The following RALB variants were observed in gnomAD, a reference collection of about 807,000 sequenced individuals.
RALB encodes the protein ras-related protein Ral-B.
A neutral mutation model predicts 21.3 loss-of-function variants in RALB; 16 were observed. The observed-to-expected ratio is 0.75, with a 90% CI of 0.51 to 1.14. The LOEUF is 1.14. Among genes scored for constraint, RALB ranks in the 50% most tolerant of loss-of-function variants. The pLI is 0.00. For synonymous variants in RALB, 93 were observed against 96.1 expected, an observed-to-expected ratio of 0.97 and a Z score of 0.19; for missense variants, 161 against 256.2, an observed-to-expected ratio of 0.63 and a Z score of 2.54.
chr2:120,277,991 ATGTG>A (rs954761393), intron 1 of RALB, among the ~76,000 whole-genome samples: 5 of 126,988 alleles, frequency 3.9e-5, no homozygotes, highest in African/African-American at 1.6e-4. Context: ...GCATGTGTGA[ATGTG>A]TGTGCGAGTG....
intron 1 of RALB, among the ~76,000 whole-genome samples, chr2:120,269,864 T>C (rs781312076): frequency 6.6e-6 from 1 of 152,260 alleles, no homozygotes; most frequent in Admixed American, 6.5e-5. Flanking sequence ...TACATTCATA[T>C]AATTCTTTTA....
At chr2:120,290,628 A>ATT (rs1553525896) in intron 4 of RALB, among the ~76,000 whole-genome samples, 1 of 91,648 alleles carries the variant, frequency 1.1e-5, no homozygotes, top group African/African-American at 4.9e-5. Flanking sequence ...AATCTCTGGG[A>ATT]TCTCTTTTTT....
chr2:120,254,939 G>T (rs572340621), intron 1 of RALB, among the ~76,000 whole-genome samples: 42 of 152,330 alleles, frequency 2.8e-4, no homozygotes, highest in African/African-American at 9.9e-4. Flanking sequence ...GCCTCTCAAA[G>T]TGCTGGGGAT....
chr2:120,248,322 A>C (rs1689003216), upstream of RALB, among the ~76,000 whole-genome samples: 1 of 152,098 alleles, frequency 6.6e-6, no homozygotes, highest in South Asian at 2.1e-4. Flanking sequence ...GCAAGTCTCC[A>C]CTGCTGGCTG....
In RALB at chr2:120,293,508, A is replaced by G. The variant is rs1690356615; in HGVS notation, c.*248A>G. 3.7e-6 allele frequency: 1 copy of G among 272,142 alleles called. No individual in the cohort carries two copies. The highest frequency in any genetic ancestry group is 6.8e-6 in the Non-Finnish European group (1 of 146,048). The allele number at this position is 272,142 out of a possible 1,614,324, so 16.9% of individuals were successfully genotyped here. On this transcript the variant is annotated 3_prime_UTR_variant, in exon 5 of 5. Coordinates refer to ENST00000272519, the MANE Select transcript of RALB (RefSeq NM_002881.3). The stretch of plus-strand genomic sequence containing the variant: ...TCTTCTCCCCTTCTTCCCTCCCAAA[A>G]GCTTAGCTATGTATAAAGTGCCACA...
chr2:120,266,878 G>A (rs1293808930), intron 1 of RALB, among the ~76,000 whole-genome samples: 1 of 152,206 alleles, frequency 6.6e-6, no homozygotes, highest in Non-Finnish European at 1.5e-5. Context: ...TTGAAGTTTG[G>A]TGGGACAAAC....
intron 1 of RALB, among the ~76,000 whole-genome samples, chr2:120,272,526 G>C (rs146779386): frequency 4.2e-4 from 64 of 152,208 alleles, no homozygotes; most frequent in African/African-American, 1.5e-3. Flanking sequence ...CAGGCAGTGA[G>C]TGTATGGATT....
At chr2:120,287,651 T>A (rs979440688) in intron 3 of RALB, among the ~76,000 whole-genome samples, 2 of 152,212 alleles carry the variant, frequency 1.3e-5, no homozygotes, top group African/African-American at 4.8e-5. Context: ...GTATTTCAAG[T>A]GCTCCTTGTC....
upstream of RALB, among the ~76,000 whole-genome samples, chr2:120,249,181 T>C (rs372892973): frequency 1.4e-3 from 214 of 152,188 alleles, no homozygotes; most frequent in African/African-American, 4.9e-3. Context: ...TACAGGCATC[T>C]GCCACCACGC....
At chr2:120,260,044 A>G (rs1158584319) in intron 1 of RALB, among the ~76,000 whole-genome samples, 2 of 152,182 alleles carry the variant, frequency 1.3e-5, no homozygotes, top group African/African-American at 4.8e-5. Context: ...GGCTGCTCCG[A>G]GTGCGGGGCC....
Position 120,293,257 on chromosome 2 carries a change from A to G in RALB, c.618A>G (p.Leu206=), listed in dbSNP as rs370976845. ...KKSFKERCCL[L] ...GTTTTAAAGAAAGATGTTGCTTACTATGAGTGTCAAGGTGACGGATGAAGC... is the reference window on the plus strand; with the variant it reads ...GTTTTAAAGAAAGATGTTGCTTACTGTGAGTGTCAAGGTGACGGATGAAGC... The change falls in exon 5 of 5, where the codon CTA becomes CTG. Residue 206 remains leucine (L), a synonymous_variant. Coordinates refer to ENST00000272519, the MANE Select transcript of RALB (RefSeq NM_002881.3). The G allele has an allele frequency of 8.1e-6, 13 of 1,611,896 alleles. No homozygotes were observed. Among genetic ancestry groups the G allele is most frequent in the Admixed American group, 5.0e-5 (3 of 59,836 alleles).
chr2:120,253,564 T>C (rs1689116963), intron 1 of RALB: 3 of 985,462 alleles, frequency 3.0e-6, no homozygotes, highest in Non-Finnish European at 3.6e-6. Flanking sequence ...GCGCCTGGAC[T>C]GGGCATCGCC....
At chr2:120,281,011 A>C (rs140974635) in intron 2 of RALB, 3 of 313,516 alleles carry the variant, frequency 9.6e-6, no homozygotes, top group South Asian at 7.7e-5. Flanking sequence ...AATAATCACA[A>C]AGTTAGCAGG....
intron 1 of RALB, among the ~76,000 whole-genome samples, chr2:120,269,615 C>G (rs1336274790): frequency 6.6e-6 from 1 of 152,170 alleles, no homozygotes; most frequent in Non-Finnish European, 1.5e-5. Context: ...GTTTTACAAT[C>G]CTAGCTACAG....
At chr2:120,246,762 C>T (rs1044782896) in intron 1 of RALB, among the ~76,000 whole-genome samples, 3 of 152,170 alleles carry the variant, frequency 2.0e-5, no homozygotes, top group South Asian at 2.1e-4. Flanking sequence ...GGTGCTCTGC[C>T]GTTTAAAGGG....
chr2:120,294,521 T>C lies in RALB; in HGVS notation c.*1261T>C, dbSNP rs1317411939. ...GGAAGAGCCCAGTATTCACATTTTT[T>C]CCCCATTTTTCAGAAGCGACATTTC... is the stretch of plus-strand genomic sequence containing the variant. On this transcript the variant is annotated 3_prime_UTR_variant, in exon 5 of 5. Coordinates refer to ENST00000272519, the MANE Select transcript of RALB (RefSeq NM_002881.3). The C allele has an allele frequency of 2.9e-6, 1 of 349,666 alleles. No homozygotes were observed. Among genetic ancestry groups the C allele is most frequent in the South Asian group, 1.5e-4 (1 of 6,602 alleles). 21.7% of individuals were successfully genotyped at this position (349,666 alleles called of 1,614,324 possible).
Position 120,288,494 on chromosome 2 carries a change from A to G in RALB, c.324-1086A>G, listed in dbSNP as rs566857878. Among the ~76,000 whole-genome samples, 7 of 151,940 alleles carry G rather than the reference A, an allele frequency of 4.6e-5. No homozygotes were observed. In the South Asian group the frequency reaches 1.2e-3, roughly 27 times the overall value. On this transcript the variant is annotated intron_variant, in intron 3 of 4. Coordinates refer to ENST00000272519, the MANE Select transcript of RALB (RefSeq NM_002881.3). ...GCCACCACGCCTAGAAAATATTTTT[A>G]TTATTGTGAAATGTTACCCTATACC...
intron 2 of RALB, among the ~76,000 whole-genome samples, chr2:120,282,902 T>C (rs1690029580): frequency 6.6e-6 from 1 of 152,206 alleles, no homozygotes; most frequent in African/African-American, 2.4e-5. Flanking sequence ...GCATTTGAAA[T>C]GTGGCTGGTG....
chr2:120,241,933 T>C (rs1041668517), intron 1 of RALB, among the ~76,000 whole-genome samples: 2 of 152,116 alleles, frequency 1.3e-5, no homozygotes, highest in Non-Finnish European at 2.9e-5. Flanking sequence ...CCCGACAGAA[T>C]TGAAAGCAGA....
Sources: allele counts gnomAD v4.1 joint callset (sites outside exome capture counted in the v4.1 genomes callset), GRCh38; gene constraint gnomAD v4.1.1; transcripts MANE v1.5; gene names NCBI Gene and HGNC (gene_info 2026-07-23, HGNC 2026-07-21).